Variants in CSMD2 observed in about 807,000 individuals in gnomAD.
The protein encoded by CSMD2 is CUB and sushi domain-containing protein 2.
A neutral mutation model predicts 398.5 loss-of-function variants in CSMD2; 130 were observed. The observed-to-expected ratio is 0.33, with a 90% confidence interval of 0.28 to 0.38. The LOEUF (loss-of-function observed/expected upper bound fraction) is 0.38. Among genes scored for constraint, CSMD2 ranks in the 10% least tolerant of loss-of-function variants. The pLI is 1.00. For synonymous variants in CSMD2, 1,828 were observed against 1,908.5 expected, an observed-to-expected ratio of 0.96 and a Z score of 1.10; for missense variants, 3,829 against 4,764.9, an observed-to-expected ratio of 0.80 and a Z score of 5.78.
At chr1:34,111,572 G>A (rs866240904) in intron 1 of CSMD2, among the ~76,000 whole-genome samples, 8 of 152,280 alleles carry the variant, frequency 5.3e-5, no homozygotes, top group South Asian at 2.1e-4. Context: ...TGGTCCTTGC[G>A]TTATTTCTGT....
At chr1:33,790,715 TATC>T (rs1654166115) in intron 11 of CSMD2, among the ~76,000 whole-genome samples, 1 of 150,192 alleles carries the variant, frequency 6.7e-6, no homozygotes, top group Non-Finnish European at 1.5e-5. Context: ...TCTATCTGTC[TATC>T]ATCTATCAAT....
intron 4 of CSMD2, among the ~76,000 whole-genome samples, chr1:33,932,880 G>C (rs1309940756): frequency 6.6e-6 from 1 of 152,208 alleles, no homozygotes; most frequent in Non-Finnish European, 1.5e-5. Flanking sequence ...TTGTGCCTAA[G>C]AAGTTGATGG....
chr1:34,044,108 G>A (rs1652199941), intron 2 of CSMD2, among the ~76,000 whole-genome samples: 1 of 152,034 alleles, frequency 6.6e-6, no homozygotes, highest in African/African-American at 2.4e-5. Context: ...AATTTATACT[G>A]AATCCTATGA....
chr1:33,581,529 C>CAAAAAAAAAAAAAA (rs59068586), intron 47 of CSMD2, among the ~76,000 whole-genome samples: 42 of 36,864 alleles, frequency 1.1e-3, no homozygotes, highest in Middle Eastern at 0.022. Context: ...GACTCAGTCT[C>CAAAAAAAAAAAAAA]AAAAAAAAAA....
chr1:33,949,811 C>T (rs1468204047), intron 3 of CSMD2, among the ~76,000 whole-genome samples: 1 of 152,200 alleles, frequency 6.6e-6, no homozygotes, highest in East Asian at 1.9e-4. Context: ...TGACTCCTAA[C>T]TTCCTGTGTG....
chr1:33,639,258 G>T (rs1642976224), intron 29 of CSMD2, among the ~76,000 whole-genome samples: 1 of 152,176 alleles, frequency 6.6e-6, no homozygotes. Flanking sequence ...CCTGGGCGCT[G>T]TCCTCCAGAT....
intron 5 of CSMD2, among the ~76,000 whole-genome samples, chr1:33,905,633 T>C (rs1293166577): frequency 6.6e-6 from 1 of 152,124 alleles, no homozygotes; most frequent in Non-Finnish European, 1.5e-5. Context: ...ATGGGTGCTG[T>C]TTTTATTTTG....
chr1:33,537,245 T>C lies in CSMD2; in HGVS notation c.9806-150A>G, dbSNP rs1223725625. 1.8e-6 allele frequency: 2 copies of C among 1,110,060 alleles called. No individual in the cohort carries two copies. The allele number at this position is 1,110,060 out of a possible 1,614,324, so 68.8% of individuals were successfully genotyped here. A position where few individuals can be genotyped will look rare whatever the true frequency, so the allele number is the denominator to read the frequency against. ...TCCCCACCTGAGCCTTGGCCCTGGCTGTCTATTTGACTCCTCGAAGCACAC... is the reference window on the plus strand; with the variant it reads ...TCCCCACCTGAGCCTTGGCCCTGGCCGTCTATTTGACTCCTCGAAGCACAC... On this transcript the variant is annotated intron_variant, in intron 61 of 70. Transcript: ENST00000373381. This position sits in a 1 kb window ranked among gnomAD's most constrained non-coding sequence, Gnocchi z 4.6.
rs1003705173 is a variant in CSMD2, at chr1:34,163,063, G to A, written c.187+1848C>T. 2.0e-5 allele frequency among the ~76,000 whole-genome samples: 3 copies of A among 152,216 alleles called. No individual in the cohort carries two copies. Among genetic ancestry groups the A allele is most frequent in the African/African-American group, 7.2e-5 (3 of 41,472 alleles). On this transcript the variant is annotated intron_variant, in intron 1 of 70. Transcript: ENST00000373381. This position sits in a 1 kb window ranked among gnomAD's most constrained non-coding sequence, Gnocchi z 5.4. ...GCACCGCTGAGCGGTGCAAGCGCCG[G>A]TGAGTCGGCCTTTTTCTCTCCCCTA...
intron 2 of CSMD2, among the ~76,000 whole-genome samples, chr1:34,039,322 C>T (rs1386431103): frequency 6.6e-6 from 1 of 152,206 alleles, no homozygotes. Flanking sequence ...TTCCCTTCCC[C>T]TTATCCAAGG....
At chr1:33,976,592 G>C (rs1361081552) in intron 3 of CSMD2, among the ~76,000 whole-genome samples, 1 of 152,104 alleles carries the variant, frequency 6.6e-6, no homozygotes, top group Non-Finnish European at 1.5e-5. Flanking sequence ...AGCAATGGAG[G>C]CAACACCACC....
At chr1:33,763,721 CA>C (rs1650131092) in intron 13 of CSMD2, among the ~76,000 whole-genome samples, 1 of 152,172 alleles carries the variant, frequency 6.6e-6, no homozygotes, top group Non-Finnish European at 1.5e-5. Context: ...TTGGTTCTTA[CA>C]GCCAGATTCT....
chr1:34,081,271 T>C lies in CSMD2; in HGVS notation c.404+7706A>G, dbSNP rs139864738. 2.5e-3 allele frequency among the ~76,000 whole-genome samples: 376 copies of C among 152,252 alleles called. 1 individual carries two copies. Among genetic ancestry groups the C allele is most frequent in the African/African-American group, 8.7e-3 (362 of 41,546 alleles). On this transcript the variant is annotated intron_variant, in intron 2 of 70. Transcript: ENST00000373381. ...TCTCCACACCCCCAGAGTAGCACCA[T>C]TCCAGTATCAAGGACAGCATCTTCC...
At chr1:33,910,013 T>C (rs879638675) in intron 5 of CSMD2, among the ~76,000 whole-genome samples, 5 of 152,310 alleles carry the variant, frequency 3.3e-5, no homozygotes, top group Admixed American at 6.5e-5. Context: ...CAGCCAGAAC[T>C]TGATAATCAT....
At chr1:33,876,362 C>A (rs1640840277) in intron 5 of CSMD2, among the ~76,000 whole-genome samples, 1 of 152,170 alleles carries the variant, frequency 6.6e-6, no homozygotes, top group Non-Finnish European at 1.5e-5. Context: ...CCATGTGGCC[C>A]TGGGCAATTT....
At chr1:34,085,530 G>C (rs1571060646) in intron 2 of CSMD2, among the ~76,000 whole-genome samples, 2 of 152,184 alleles carry the variant, frequency 1.3e-5, no homozygotes, top group Non-Finnish European at 2.9e-5. Flanking sequence ...CATTATGGCA[G>C]ACTCATCACA....
intron 29 of CSMD2, among the ~76,000 whole-genome samples, chr1:33,645,592 C>G (rs749147337): frequency 6.6e-6 from 1 of 152,060 alleles, no homozygotes; most frequent in Non-Finnish European, 1.5e-5. Flanking sequence ...GAGATAATAG[C>G]GTAGAAGACA....
chr1:33,612,978 C>A (rs181775480), intron 40 of CSMD2, among the ~76,000 whole-genome samples: 4 of 152,346 alleles, frequency 2.6e-5, no homozygotes, highest in African/African-American at 9.6e-5. Flanking sequence ...AGGAGCCCTG[C>A]GGGCTGCAGG....
chr1:33,820,027 G>A (rs565079621), intron 8 of CSMD2, among the ~76,000 whole-genome samples, 190 bp from the exon 9 acceptor site: 124 of 152,302 alleles, frequency 8.1e-4, no homozygotes, highest in Admixed American at 1.4e-3. Flanking sequence ...TTTTCGGACT[G>A]TTTAATGGTT....
Sources: gnomAD v4.1 joint callset for allele counts (sites outside exome capture counted in the v4.1 genomes callset) on GRCh38, gnomAD v4.1.1 for gene constraint, Gnocchi (gnomAD v3.1) non-coding constraint, MANE v1.5 for transcripts, NCBI Gene and HGNC (gene_info 2026-07-23, HGNC 2026-07-21) for gene names.